The following LIPA variants were observed in gnomAD, a reference collection of about 807,000 sequenced individuals.
The protein encoded by LIPA is lysosomal acid lipase/cholesteryl ester hydrolase.
Under a neutral mutation model 40.6 loss-of-function variants are expected in LIPA, and 26 were observed. That is an observed-to-expected ratio of 0.64 (90% CI 0.47 to 0.89). The LOEUF (loss-of-function observed/expected upper bound fraction) is 0.89. LIPA is among the 40% of genes least tolerant of loss of function. LIPA has a pLI of 0.00. For synonymous variants in LIPA, 188 were observed against 168.4 expected (o/e 1.12, Z -0.90); for missense variants, 455 against 479.6 (o/e 0.95, Z 0.48).
chr10:89,222,941 G>A (rs565577747), intron 7 of LIPA, among the ~76,000 whole-genome samples: 1 of 152,116 alleles, frequency 6.6e-6, no homozygotes, highest in South Asian at 2.1e-4. Context: ...AAATTCCTTA[G>A]GGCCTTTATT....
intron 1 of LIPA, among the ~76,000 whole-genome samples, chr10:89,334,475 A>ATTCTTTTTTTTTTTTTTTTTT (rs1843699536): frequency 4.0e-5 from 1 of 24,868 alleles, no homozygotes; most frequent in Non-Finnish European, 7.4e-5. Context: ...TTTTTCTTTT[A>ATTCTTTTTTTTTTTTTTTTTT]TTCTTTTTTT....
intron 3 of LIPA, among the ~76,000 whole-genome samples, chr10:89,243,107 ACG>A (rs1028520819): frequency 6.6e-6 from 1 of 152,174 alleles, no homozygotes; most frequent in African/African-American, 2.4e-5. Context: ...TGAGAAGAGG[ACG>A]CGTTTCACTT....
At chr10:89,390,573 G>C (rs956758199) in intron 2 of LIPA, among the ~76,000 whole-genome samples, 2 of 152,110 alleles carry the variant, frequency 1.3e-5, no homozygotes, top group Non-Finnish European at 2.9e-5. Context: ...CTAAATGTTT[G>C]ATCCTCTCTG....
At chr10:89,266,116 T>G (rs1843234662) in intron 1 of LIPA, among the ~76,000 whole-genome samples, 2 of 152,246 alleles carry the variant, frequency 1.3e-5, no homozygotes, top group Admixed American at 6.5e-5. Flanking sequence ...GTACAGTAAC[T>G]TTTTAATCAA....
chr10:89,269,434 T>A (rs1423137604), intron 1 of LIPA, among the ~76,000 whole-genome samples: 1 of 152,198 alleles, frequency 6.6e-6, no homozygotes, highest in African/African-American at 2.4e-5. Context: ...AACTTTTAGG[T>A]CTAATGTAGG....
At chr10:89,301,575 G>A (rs762801147) in intron 1 of LIPA, among the ~76,000 whole-genome samples, 1 of 152,176 alleles carries the variant, frequency 6.6e-6, no homozygotes, top group Non-Finnish European at 1.5e-5. Context: ...GCATTTTGGG[G>A]TGAAAATATC....
At chr10:89,225,447 G>A (rs1215934231) in intron 5 of LIPA, among the ~76,000 whole-genome samples, 5 of 152,136 alleles carry the variant, frequency 3.3e-5, no homozygotes, top group Non-Finnish European at 7.3e-5. Flanking sequence ...ATTTGTTAAT[G>A]CTTGCTCCAA....
intron 1 of LIPA, among the ~76,000 whole-genome samples, chr10:89,274,303 TG>T (rs1843279408): frequency 6.6e-6 from 1 of 152,258 alleles, no homozygotes; most frequent in Non-Finnish European, 1.5e-5. Flanking sequence ...CACCTTTTAA[TG>T]TCCAAATGAT....
upstream of LIPA, among the ~76,000 whole-genome samples, chr10:89,344,909 T>C (rs1843905430): frequency 6.6e-6 from 1 of 152,212 alleles, no homozygotes; most frequent in African/African-American, 2.4e-5. Flanking sequence ...TAAAAAAGAA[T>C]GTATTTAGTA....
chr10:89,288,138 G>A (rs1843351520), intron 1 of LIPA, among the ~76,000 whole-genome samples: 1 of 151,984 alleles, frequency 6.6e-6, no homozygotes. Context: ...TACCTATCTT[G>A]GCATAATTCT....
intron 1 of LIPA, among the ~76,000 whole-genome samples, chr10:89,259,938 G>T (rs1279845650): frequency 6.6e-6 from 1 of 152,034 alleles, no homozygotes; most frequent in African/African-American, 2.4e-5. Context: ...AACTTGGAGG[G>T]AATAAATATA....
At chr10:89,296,756 C>A (rs747818415) in intron 1 of LIPA, among the ~76,000 whole-genome samples, 3 of 152,104 alleles carry the variant, frequency 2.0e-5, no homozygotes, top group African/African-American at 2.4e-5. Flanking sequence ...TCTATCTGTG[C>A]TTTGTGTAAT....
chr10:89,387,284 C>T (rs983001881), intron 2 of LIPA, among the ~76,000 whole-genome samples: 1 of 148,514 alleles, frequency 6.7e-6, no homozygotes, highest in African/African-American at 2.5e-5. Context: ...CGCCACTGTA[C>T]TCCAGTCTGG....
At chr10:89,336,538 G>A (rs1032824280) in intron 1 of LIPA, among the ~76,000 whole-genome samples, 2 of 152,216 alleles carry the variant, frequency 1.3e-5, no homozygotes, top group Admixed American at 6.5e-5. Context: ...GTAGCGGTGT[G>A]AGGGCCAGTG....
At chr10:89,306,645 G>T (rs772185964) in intron 1 of LIPA, 2 of 1,614,126 alleles carry the variant, frequency 1.2e-6, no homozygotes, top group African/African-American at 1.3e-5. Context: ...GAAGAGGAAG[G>T]TGAAGGAGAG....
intron 1 of LIPA, among the ~76,000 whole-genome samples, chr10:89,328,853 T>C (rs1286728056): frequency 1.3e-5 from 2 of 152,098 alleles, no homozygotes; most frequent in African/African-American, 4.8e-5. Context: ...ATGGTGGGGA[T>C]TGAGTAGGAA....
chr10:89,362,114 G>A (rs1278924730), intron 2 of LIPA, among the ~76,000 whole-genome samples: 1 of 151,764 alleles, frequency 6.6e-6, no homozygotes, highest in African/African-American at 2.4e-5. Context: ...ATGTTGCCCA[G>A]GCAGATCTTG....
chr10:89,403,767 T>C, intron 2 of LIPA: 3 of 934,298 alleles, frequency 3.2e-6, no homozygotes, highest in Non-Finnish European at 4.9e-6. Flanking sequence ...TAACATTTAC[T>C]AATCATCTTT....
At chr10:89,290,427 C>A (rs1227964834) in intron 1 of LIPA, among the ~76,000 whole-genome samples, 2 of 152,082 alleles carry the variant, frequency 1.3e-5, no homozygotes, top group East Asian at 3.8e-4. Flanking sequence ...TCCATGCCAC[C>A]CCCAAAATTT....
Sources: allele counts gnomAD v4.1 joint callset (sites outside exome capture counted in the v4.1 genomes callset), GRCh38; gene constraint gnomAD v4.1.1; transcripts MANE v1.5; gene names NCBI Gene and HGNC (gene_info 2026-07-23, HGNC 2026-07-21).